The following TYK2 variants were observed in gnomAD, a reference collection of about 807,000 sequenced individuals.
TYK2 encodes non-receptor tyrosine-protein kinase TYK2.
Under a neutral mutation model 130.9 loss-of-function variants are expected in TYK2, and 65 were observed. That is an observed-to-expected ratio of 0.50 (90% CI 0.41 to 0.61). TYK2 has a LOEUF of 0.61. Ranked by LOEUF, TYK2 falls within the 20% of genes least tolerant of loss-of-function variation. The probability of loss-of-function intolerance (pLI) is 0.00; values close to 1 mark genes in which losing one functional copy is unlikely to be tolerated. For missense variants in TYK2, 1,378 were observed against 1,610.7 expected, an observed-to-expected ratio of 0.86 and a Z score of 2.47; for synonymous variants, 647 against 658.9, an observed-to-expected ratio of 0.98 and a Z score of 0.28.
intron 3 of TYK2, among the ~76,000 whole-genome samples, chr19:10,370,371 G>C (rs968276344): frequency 6.6e-6 from 1 of 150,732 alleles, no homozygotes; most frequent in African/African-American, 2.4e-5. Flanking sequence ...AAAATTGGCT[G>C]GCCATGGTGG....
At position 10,355,791 on chromosome 19, in the gene TYK2, G is replaced by A. The variant is rs144816341; in HGVS notation, c.2617+777C>T. 5.2e-3 allele frequency among the ~76,000 whole-genome samples: 781 copies of A among 150,088 alleles called. 14 individuals are homozygous for A. Among genetic ancestry groups the A allele is most frequent in the East Asian group, 0.031 (156 of 4,970 alleles). ...ATCCTGGCCAACATGGTGAATTCCC[G>A]TCTCTACTAAAAATACAAAAATTAG... On this transcript the variant is annotated intron_variant, in intron 18 of 24. Coordinates refer to ENST00000525621, the MANE Select transcript of TYK2 (RefSeq NM_003331.5).
intron 15 of TYK2, among the ~76,000 whole-genome samples, chr19:10,358,663 C>T (rs1007219197): frequency 6.6e-6 from 1 of 152,106 alleles, no homozygotes; most frequent in African/African-American, 2.4e-5. Context: ...GCCATACTGG[C>T]CAGGCTGGTC....
chr19:10,371,576 C>T (rs571456932), intron 3 of TYK2, among the ~76,000 whole-genome samples: 29 of 151,926 alleles, frequency 1.9e-4, no homozygotes, highest in Admixed American at 1.7e-3. Context: ...GTGGAGGTTG[C>T]GGTGAGCTGA....
At chr19:10,371,378 C>T (rs2041901074) in intron 3 of TYK2, among the ~76,000 whole-genome samples, 2 of 151,914 alleles carry the variant, frequency 1.3e-5, no homozygotes, top group South Asian at 2.1e-4. Context: ...CAGTGGCTCA[C>T]GCCTGTAATC....
At position 10,361,514 on chromosome 19, in the gene TYK2, C is replaced by T; in HGVS notation, c.2044G>A (p.Glu682Lys). Residue 682 changes from glutamate (E) to lysine (K), a missense_variant, in exon 14 of 25, where the codon GAA (glutamate) becomes AAA (lysine). Physicochemically the swap from Glu to Lys is moderately conservative, Grantham distance 56. Coordinates refer to ENST00000525621, the MANE Select transcript of TYK2 (RefSeq NM_003331.5). The surrounding 1 kb of genome is among the most constrained non-coding windows in gnomAD (Gnocchi z 4.0). Reference sequence around the variant, plus strand: ...GGGTATGGCGGGACCCACTCACTTTCAGGGCCGCGCACACAGACGCCATGC... The same window carrying T: ...GGGTATGGCGGGACCCACTCACTTTTAGGGCCGCGCACACAGACGCCATGC... ...FVHGVCVRGP[E>K]NIMVTEYVEH... is the part of the protein sequence containing the mutation. The T allele has an allele frequency of 6.5e-7, 1 of 1,545,202 alleles. No homozygotes were observed. Among genetic ancestry groups the T allele is most frequent in the Non-Finnish European group, 8.7e-7 (1 of 1,146,796 alleles).
At chr19:10,352,905 G>C (rs1303300104) in intron 22 of TYK2, 21 bp downstream of exon 22, 2 of 1,596,108 alleles carry the variant, frequency 1.3e-6, no homozygotes, top group Admixed American at 3.4e-5. Flanking sequence ...CACCCCCTCA[G>C]ACTGCACCCC....
chr19:10,370,160 G>A (rs150549387), intron 3 of TYK2, among the ~76,000 whole-genome samples: 2,645 of 151,836 alleles, frequency 0.017, 45 homozygotes, highest in South Asian at 0.068. Flanking sequence ...TCAGGAGTTC[G>A]AGACCAGCGT....
Position 10,365,654 on chromosome 19 carries a change from A to T in TYK2, c.874T>A (p.Tyr292Asn), listed in dbSNP as rs2041625494. 1.1e-5 allele frequency: 17 copies of T among 1,613,614 alleles called. No homozygotes were observed. Among genetic ancestry groups the T allele is most frequent in the Non-Finnish European group, 1.4e-5 (17 of 1,179,848 alleles). ...GGGGCCACCCCACTGTCCCGGATGTAGCAGGGCTCCCCCTCGGCCTGGGCC... is the reference window on the plus strand; with the variant it reads ...GGGGCCACCCCACTGTCCCGGATGTTGCAGGGCTCCCCCTCGGCCTGGGCC... ...LLAQAEGEPC[Y>N]IRDSGVAPTD... Residue 292 changes from tyrosine (Y) to asparagine (N), a missense_variant, in exon 7 of 25, where the codon TAC (tyrosine) becomes AAC (asparagine). Tyr to Asn is a moderately radical substitution (Grantham distance 143, BLOSUM62 -2). Coordinates refer to ENST00000525621, the MANE Select transcript of TYK2 (RefSeq NM_003331.5).
chr19:10,374,195 G>T (rs1490680506), intron 3 of TYK2, among the ~76,000 whole-genome samples: 2 of 152,042 alleles, frequency 1.3e-5, no homozygotes, highest in Non-Finnish European at 2.9e-5. Context: ...GAACCCGGAA[G>T]GCGGAGCTTG....
intron 18 of TYK2, among the ~76,000 whole-genome samples, chr19:10,355,663 G>GA (rs200823010): frequency 5.9e-4 from 72 of 122,986 alleles, no homozygotes; most frequent in East Asian, 2.4e-3. Context: ...AAGAAAGAAA[G>GA]AAAAAAAAAA....
In TYK2 at chr19:10,355,041, A is replaced by AG. The variant is rs1555716745; in HGVS notation, c.2618-433_2618-432insC. 8.0e-3 allele frequency among the ~76,000 whole-genome samples: 1,205 copies of AG among 151,166 alleles called. 21 individuals are homozygous for AG. The highest frequency in any genetic ancestry group is 0.028 in the African/African-American group (1,136 of 40,874). On this transcript the variant is annotated intron_variant, in intron 18 of 24. Transcript: ENST00000525621. ...AGAGACACTGTCTTTAAAAAAAAAAAAAAGAAAGAAAGAAAGAAAAAGAAA... is the reference window on the plus strand; with the variant it reads ...AGAGACACTGTCTTTAAAAAAAAAAAGAAAGAAAGAAAGAAAGAAAAAGAAA...
In TYK2 at chr19:10,354,073, G is replaced by T; in HGVS notation, c.2877C>A (p.Ile959=). 6.2e-7 allele frequency: 1 copy of T among 1,614,118 alleles called. No individual in the cohort carries two copies. The highest frequency in any genetic ancestry group is 1.1e-5 in the South Asian group (1 of 91,082). ...CCTCGCAGCAGCCCTTGTACTTGAT[G>T]ATGTGCTCGTGGTAGAGCGTGCGCA... ...DILRTLYHEH[I]IKYKGCCEDQ... Residue 959 remains isoleucine (I), a synonymous_variant, in exon 20 of 25, where the codon ATC becomes ATA. Coordinates refer to ENST00000525621, the MANE Select transcript of TYK2 (RefSeq NM_003331.5).
In TYK2 at chr19:10,364,120, G is replaced by A. The variant is rs1292911073; in HGVS notation, c.1367+494C>T. On this transcript the variant is annotated intron_variant, in intron 9 of 24. Coordinates refer to ENST00000525621, the MANE Select transcript of TYK2 (RefSeq NM_003331.5). The surrounding 1 kb of genome is among the most constrained non-coding windows in gnomAD (Gnocchi z 4.9). ...AGCACAGGCAGCCGCCTGCAGAGGT[G>A]GAAGCATCCAACATACGCCTGAATG... Among the ~76,000 whole-genome samples the A allele has an allele frequency of 2.6e-5, 4 of 152,194 alleles. No homozygotes were observed. Among genetic ancestry groups the A allele is most frequent in the Admixed American group, 2.6e-4 (4 of 15,264 alleles).
At chr19:10,368,737 G>T in intron 3 of TYK2, 1 of 376,510 alleles carries the variant, frequency 2.7e-6, no homozygotes, top group Non-Finnish European at 5.1e-6. Flanking sequence ...GAGGTATGAT[G>T]AAGGCTTCTT....
In TYK2 at chr19:10,354,087, A is replaced by C; in HGVS notation, c.2863T>G (p.Tyr955Asp). ...TTGTACTTGATGATGTGCTCGTGGT[A>C]GAGCGTGCGCAGAATGTCAATCTCC... The part of the protein sequence containing the change: ...KQEIDILRTL[Y>D]HEHIIKYKGC... Residue 955 changes from tyrosine (Y) to aspartate (D), a missense_variant, in exon 20 of 25, where the codon TAC becomes GAC. Coordinates refer to ENST00000525621, the MANE Select transcript of TYK2 (RefSeq NM_003331.5). 1 of 1,614,106 alleles carries C rather than the reference A, an allele frequency of 6.2e-7. No individual in the cohort carries two copies. Among genetic ancestry groups the C allele is most frequent in the Non-Finnish European group, 8.5e-7 (1 of 1,180,010 alleles).
intron 18 of TYK2, 139 bp from the exon 19 acceptor site, chr19:10,354,748 A>G: frequency 4.2e-6 from 3 of 722,078 alleles, no homozygotes; most frequent in South Asian, 1.5e-5. Context: ...AACAGCTGAA[A>G]GAGTCCACTT....
At chr19:10,374,584 CAAAAAAAAAA>C (rs1278364077) in intron 3 of TYK2, among the ~76,000 whole-genome samples, 3 of 50,124 alleles carry the variant, frequency 6.0e-5, no homozygotes, top group South Asian at 7.3e-4. Flanking sequence ...GACTCCGTCT[CAAAAAAAAAA>C]AAAAAAAAAA....
At position 10,353,572 on chromosome 19, in the gene TYK2, T is replaced by C. The variant is rs764232789; in HGVS notation, c.2983A>G (p.Ile995Val). ...AAGAGCAGCAGCTGGGCCAGCCCGA[T>C]GCTGTGCCGGGGCAGGTAGTCTCGG... ...SLRDYLPRHS[I>V]GLAQLLLFAQ... Residue 995 changes from isoleucine (I) to valine (V), a missense_variant, in exon 21 of 25, where the codon ATC becomes GTC. By Grantham distance (29) the Ile-to-Val change is conservative (BLOSUM62 3). Transcript: ENST00000525621. The surrounding 1 kb of genome is among the most constrained non-coding windows in gnomAD (Gnocchi z 6.9). 4.7e-6 allele frequency: 7 copies of C among 1,497,312 alleles called. No individual in the cohort carries two copies. Among genetic ancestry groups the C allele is most frequent in the Middle Eastern group, 1.9e-4 (1 of 5,174 alleles). 92.8% of individuals were successfully genotyped at this position (1,497,312 alleles called of 1,614,324 possible). A position where few individuals can be genotyped will look rare whatever the true frequency, so the allele number is the denominator to read the frequency against.
chr19:10,355,247 G>A (rs908301934), intron 18 of TYK2, among the ~76,000 whole-genome samples: 7 of 151,526 alleles, frequency 4.6e-5, no homozygotes, highest in Non-Finnish European at 1.0e-4. Flanking sequence ...AGCCATGATC[G>A]TGCCTCTGAA....
Sources: gnomAD v4.1 joint callset for allele counts (sites outside exome capture counted in the v4.1 genomes callset) on GRCh38, gnomAD v4.1.1 for gene constraint, Gnocchi (gnomAD v3.1) non-coding constraint, MANE v1.5 for transcripts, NCBI Gene and HGNC (gene_info 2026-07-23, HGNC 2026-07-21) for gene names.